The following RNF150 variants were observed in gnomAD, a reference collection of about 807,000 sequenced individuals.
RNF150 encodes the protein ring finger protein 150.
In RNF150, 24 loss-of-function variants were observed where a neutral mutation model predicts 39.3. The observed-to-expected ratio is 0.61, with a 90% CI of 0.44 to 0.86. The LOEUF is 0.86. RNF150 is among the 40% of genes least tolerant of loss of function. The pLI is 0.00. For synonymous variants in RNF150, 255 were observed against 227.3 expected, an observed-to-expected ratio of 1.12 and a Z score of -1.10; for missense variants, 502 against 587.8, an observed-to-expected ratio of 0.85 and a Z score of 1.51.
At chr4:140,993,157 A>ATGAAATAGATT (rs1426773542) in intron 1 of RNF150, among the ~76,000 whole-genome samples, 46 of 152,322 alleles carry the variant, frequency 3.0e-4, no homozygotes, top group Admixed American at 9.8e-4. Flanking sequence ...GATCAGAAAC[A>ATGAAATAGATT]TGAAATAGAT....
chr4:141,049,927 A>G (rs1736714686), intron 1 of RNF150, among the ~76,000 whole-genome samples: 1 of 152,152 alleles, frequency 6.6e-6, no homozygotes, highest in Non-Finnish European at 1.5e-5. Context: ...AAAATATTAA[A>G]AGTAGAAATA....
chr4:141,076,510 G>A (rs1418907566), intron 1 of RNF150, among the ~76,000 whole-genome samples: 1 of 151,432 alleles, frequency 6.6e-6, no homozygotes, highest in Non-Finnish European at 1.5e-5. Context: ...ATAATGTAAG[G>A]CTCAAGTATA....
chr4:141,096,190 CTTTTTTT>C (rs780868429), intron 1 of RNF150, among the ~76,000 whole-genome samples: 24 of 67,984 alleles, frequency 3.5e-4, no homozygotes, highest in South Asian at 6.0e-4. Context: ...TTTTAGCTTT[CTTTTTTT>C]TTTTTTTTTT....
intron 1 of RNF150, among the ~76,000 whole-genome samples, chr4:141,210,465 A>G (rs1392952353): frequency 6.8e-6 from 1 of 146,250 alleles, no homozygotes; most frequent in Non-Finnish European, 1.5e-5. Flanking sequence ...CTTACATTTA[A>G]TGTGCTGGTT....
chr4:141,088,943 C>A (rs934602205), intron 1 of RNF150, among the ~76,000 whole-genome samples: 13 of 152,150 alleles, frequency 8.5e-5, no homozygotes, highest in African/African-American at 3.1e-4. Context: ...AGGGAGAAAA[C>A]CAGACCTCAG....
chr4:140,877,780 C>A (rs1333042979), intron 6 of RNF150, among the ~76,000 whole-genome samples: 1 of 152,192 alleles, frequency 6.6e-6, no homozygotes, highest in Non-Finnish European at 1.5e-5. Context: ...GGGAAAATAT[C>A]ACCTCTAAGT....
intron 6 of RNF150, among the ~76,000 whole-genome samples, chr4:140,876,617 A>G (rs1233641884): frequency 2.0e-5 from 3 of 152,234 alleles, no homozygotes; most frequent in Non-Finnish European, 4.4e-5. Flanking sequence ...GCCATTAAAT[A>G]TATCACACGT....
At chr4:141,095,088 G>A (rs1027271623) in intron 1 of RNF150, among the ~76,000 whole-genome samples, 1 of 152,206 alleles carries the variant, frequency 6.6e-6, no homozygotes, top group African/African-American at 2.4e-5. Context: ...CAAGGAGGAA[G>A]AGGCTCCTCT....
intron 1 of RNF150, among the ~76,000 whole-genome samples, chr4:141,081,148 C>T (rs1367666206): frequency 6.6e-6 from 1 of 152,132 alleles, no homozygotes; most frequent in Non-Finnish European, 1.5e-5. Context: ...AAGTCCAGGG[C>T]TAAGGACATG....
intron 1 of RNF150, among the ~76,000 whole-genome samples, chr4:141,120,069 T>G (rs1246837236): frequency 6.6e-6 from 1 of 152,226 alleles, no homozygotes; most frequent in Non-Finnish European, 1.5e-5. Flanking sequence ...AGCTATGCAA[T>G]GGATGCCTTT....
chr4:141,019,080 A>ATATATATATATATATATATATATATG (rs1174014870), intron 1 of RNF150, among the ~76,000 whole-genome samples: 2 of 136,838 alleles, frequency 1.5e-5, no homozygotes, highest in African/African-American at 2.8e-5. Flanking sequence ...ATATATATAT[A>ATATATATATATATATATATATATATG]TGGAACTTTA....
intron 1 of RNF150, among the ~76,000 whole-genome samples, chr4:141,013,056 T>C (rs1295178369): frequency 6.6e-6 from 1 of 151,910 alleles, no homozygotes; most frequent in Non-Finnish European, 1.5e-5. Context: ...ATGGGGAAAA[T>C]GGAATATGAG....
At chr4:141,169,079 G>A (rs757030029) in intron 1 of RNF150, among the ~76,000 whole-genome samples, 8 of 152,126 alleles carry the variant, frequency 5.3e-5, no homozygotes, top group Non-Finnish European at 7.4e-5. Flanking sequence ...CATATCTTAC[G>A]TTGAATTGTA....
At chr4:141,078,154 A>G (rs968969084) in intron 1 of RNF150, among the ~76,000 whole-genome samples, 1 of 152,196 alleles carries the variant, frequency 6.6e-6, no homozygotes, top group Admixed American at 6.5e-5. Context: ...CTGGGAATTT[A>G]TCCTTGTCCA....
chr4:141,121,801 G>A (rs1483552990), intron 1 of RNF150, among the ~76,000 whole-genome samples: 1 of 152,112 alleles, frequency 6.6e-6, no homozygotes, highest in Non-Finnish European at 1.5e-5. Flanking sequence ...GGATTTTGAT[G>A]CCTTCAAAGG....
At chr4:141,151,715 C>A in intron 1 of RNF150, among the ~76,000 whole-genome samples, 1 of 152,020 alleles carries the variant, frequency 6.6e-6, no homozygotes, top group South Asian at 2.1e-4. Context: ...TATTTTGTGG[C>A]TTCTTGTTTG....
intron 1 of RNF150, among the ~76,000 whole-genome samples, chr4:141,155,252 A>ATTTTTTTTTTTTTTTTTTTTTTTTTTTT (rs70946798): frequency 7.9e-6 from 1 of 126,416 alleles, no homozygotes; most frequent in Non-Finnish European, 1.6e-5. Flanking sequence ...CACCCGGCTG[A>ATTTTTTTTTTTTTTTTTTTTTTTTTTTT]TTTTTTTTTT....
chr4:141,164,546 T>C (rs1456230190), intron 1 of RNF150, among the ~76,000 whole-genome samples: 7 of 152,048 alleles, frequency 4.6e-5, no homozygotes, highest in Non-Finnish European at 1.0e-4. Context: ...GTTATAGGCA[T>C]CCAGAGAGAA....
intron 1 of RNF150, among the ~76,000 whole-genome samples, chr4:141,021,262 A>G (rs1043314783): frequency 6.6e-6 from 1 of 152,194 alleles, no homozygotes; most frequent in Non-Finnish European, 1.5e-5. Context: ...TAAAAATAGG[A>G]CAATGCAAAG....
Sources: allele counts gnomAD v4.1 joint callset (sites outside exome capture counted in the v4.1 genomes callset), GRCh38; gene constraint gnomAD v4.1.1; transcripts MANE v1.5; gene names NCBI Gene and HGNC (gene_info 2026-07-23, HGNC 2026-07-21).